Variants in C20orf173 observed in about 807,000 individuals in gnomAD.
C20orf173 encodes chromosome 20 open reading frame 173, also known as uncharacterized protein C20orf173.
Under a neutral mutation model 26.7 loss-of-function variants are expected in C20orf173, and 22 were observed. The ratio of observed to expected loss-of-function variants is 0.82; its 90% CI spans 0.59 to 1.18. The LOEUF is 1.18. Ranked by LOEUF, C20orf173 falls within the 50% of genes most tolerant of loss-of-function variation. C20orf173 has a pLI of 0.00. For missense variants in C20orf173, 210 were observed against 250.3 expected (o/e 0.84, Z 1.09); for synonymous variants, 85 against 96.4 (o/e 0.88, Z 0.69).
downstream of C20orf173, chr20:35,522,213 C>T (rs1451893081): frequency 6.6e-6 from 1 of 152,632 alleles, no homozygotes; most frequent in Non-Finnish European, 1.5e-5. Flanking sequence ...TCTTCGGTTC[C>T]ACCAGGAACC....
At chr20:35,528,907 G>C in intron 2 of C20orf173, 28 bp from the exon 3 acceptor site, 1 of 1,551,160 alleles carries the variant, frequency 6.4e-7, no homozygotes, top group Non-Finnish European at 8.7e-7. Flanking sequence ...GAGATTGGGG[G>C]CTGGGCCCAG....
In C20orf173 at chr20:35,529,417, T is replaced by C; in HGVS notation, c.-44A>G. ...CTCCCGTGGTGGGCCGTAGACTGGC[T>C]TCTCTACCTGTAAGGATGAGGGGCT... On this transcript the variant is annotated 5_prime_UTR_variant, in exon 2 of 6. Coordinates refer to ENST00000444723, the MANE Select transcript of C20orf173 (RefSeq NM_001145350.2). The C allele has an allele frequency of 6.7e-7, 1 of 1,484,810 alleles. No homozygotes were observed. Among genetic ancestry groups the C allele is most frequent in the Non-Finnish European group, 9.0e-7 (1 of 1,116,332 alleles). 92.0% of individuals were successfully genotyped at this position (1,484,810 alleles called of 1,614,324 possible).
At position 35,529,338 on chromosome 20, in the gene C20orf173, A is replaced by G. The variant is rs1261428386; in HGVS notation, c.36T>C (p.Phe12=). 2 of 1,548,844 alleles carry G rather than the reference A, an allele frequency of 1.3e-6. No individual in the cohort carries two copies. Among genetic ancestry groups the G allele is most frequent in the Admixed American group, 3.9e-5 (2 of 50,962 alleles). Residue 12 remains phenylalanine, a synonymous_variant, in exon 2 of 6, where the codon TTT becomes TTC. Transcript: ENST00000444723. ...TCATCAGCCAGAGGATGAGCACCCAAAAGACCCACAGGACAAAAATCTGCC... is the reference window on the plus strand; with the variant it reads ...TCATCAGCCAGAGGATGAGCACCCAGAAGACCCACAGGACAAAAATCTGCC... The part of the protein sequence containing the change: ...KRWQIFVLWV[F]WVLILWLMTP...
chr20:35,524,296 C>T (rs948422884), downstream of C20orf173, among the ~76,000 whole-genome samples: 2 of 152,052 alleles, frequency 1.3e-5, no homozygotes, highest in Non-Finnish European at 2.9e-5. Context: ...GCTGGGATTA[C>T]AGGTTTGAGC....
downstream of C20orf173, among the ~76,000 whole-genome samples, chr20:35,526,378 C>G (rs1262583515): frequency 1.3e-5 from 2 of 152,200 alleles, no homozygotes; most frequent in African/African-American, 2.4e-5. Flanking sequence ...GTAATCCCAG[C>G]ACTTTGGGAG....
In C20orf173 at chr20:35,529,547, C is replaced by G; in HGVS notation, c.-52+12G>C. 1 of 634,532 alleles carries G rather than the reference C, an allele frequency of 1.6e-6. No individual in the cohort carries two copies. Among genetic ancestry groups the G allele is most frequent in the Non-Finnish European group, 2.7e-6 (1 of 369,630 alleles). 39.3% of individuals were successfully genotyped at this position (634,532 alleles called of 1,614,324 possible). The stretch of plus-strand genomic sequence containing the variant: ...AACCCCTCCTCTCCTGCCTCACTAT[C>G]CATTTGCTCACCCTCAAAACGGTCT... On this transcript the variant is annotated intron_variant, in intron 1 of 5. Transcript: ENST00000444723.
intron 5 of C20orf173, among the ~76,000 whole-genome samples, chr20:35,527,542 C>A (rs1399266524): frequency 2.0e-5 from 3 of 152,102 alleles, no homozygotes; most frequent in Admixed American, 6.5e-5. Flanking sequence ...CATGAGGCAG[C>A]TCATGTGTCT....
downstream of C20orf173, chr20:35,522,487 G>T (rs75001916): frequency 2.0e-5 from 3 of 152,504 alleles, no homozygotes; most frequent in Non-Finnish European, 4.4e-5. Flanking sequence ...GCAGCAGTTG[G>T]GTACCGGGGT....
At chr20:35,527,486 C>T (rs776456079) in intron 5 of C20orf173, among the ~76,000 whole-genome samples, 13 of 152,058 alleles carry the variant, frequency 8.5e-5, no homozygotes, top group Admixed American at 5.2e-4. Context: ...ACCCCCAGGA[C>T]GTAAGAGAAG....
At chr20:35,526,285 C>A (rs1391228606), downstream of C20orf173, among the ~76,000 whole-genome samples, 1 of 152,142 alleles carries the variant, frequency 6.6e-6, no homozygotes. Context: ...CTTCTTGGAT[C>A]TTGGATCACT....
At chr20:35,527,852 A>G (rs145713620) in intron 5 of C20orf173, among the ~76,000 whole-genome samples, 19 of 152,110 alleles carry the variant, frequency 1.2e-4, no homozygotes, top group Non-Finnish European at 2.5e-4. Context: ...ATGGAGTTTG[A>G]CCATATTGGC....
chr20:35,526,107 G>C (rs2064500790), downstream of C20orf173, among the ~76,000 whole-genome samples: 1 of 151,682 alleles, frequency 6.6e-6, no homozygotes, highest in South Asian at 2.1e-4. Context: ...AGAGAACCAG[G>C]CTCAGTCTAT....
At chr20:35,521,699 C>T (rs1237386081), downstream of C20orf173, among the ~76,000 whole-genome samples, 1 of 151,690 alleles carries the variant, frequency 6.6e-6, no homozygotes, top group East Asian at 1.9e-4. Context: ...ACCTCCGCCT[C>T]CCAGGTTCAA....
downstream of C20orf173, among the ~76,000 whole-genome samples, chr20:35,524,780 C>A (rs2064494005): frequency 1.3e-5 from 2 of 151,044 alleles, no homozygotes; most frequent in East Asian, 3.9e-4. Context: ...CTCACTGCAA[C>A]CTCTGCCTCC....
In C20orf173 at chr20:35,529,143, A is replaced by T. The variant is rs940051467; in HGVS notation, c.231T>A (p.Asp77Glu). The T allele has an allele frequency of 2.6e-6, 4 of 1,551,598 alleles. No individual in the cohort carries two copies. The highest frequency in any genetic ancestry group is 2.7e-5 in the African/African-American group (2 of 73,034). The change falls in exon 2 of 6, where the codon GAT becomes GAA. Residue 77 changes from aspartate to glutamate, a missense_variant. Physicochemically the swap from Asp to Glu is conservative, Grantham distance 45. Transcript: ENST00000444723. ...HHTADEWNWL[D>E]ACSRKTMGYL... is the part of the protein sequence containing the mutation. ...ACCCCATAGTCTTCCTGGAGCACGC[A>T]TCAAGCCAGTTCCATTCGTCGGCTG...
chr20:35,528,936 G>T, intron 2 of C20orf173, 57 bp from the exon 3 acceptor site: 1 of 1,546,430 alleles, frequency 6.5e-7, no homozygotes, highest in South Asian at 1.2e-5. Context: ...AAACAGAGCT[G>T]GGTGGGTGAG....
downstream of C20orf173, chr20:35,520,935 C>G (rs552268919): frequency 1.3e-5 from 2 of 152,372 alleles, no homozygotes; most frequent in East Asian, 3.9e-4. Context: ...TCTGACACCA[C>G]AAGGTCCCCT....
In C20orf173 at chr20:35,528,893, G is replaced by A. The variant is rs1239168372; in HGVS notation, c.310-14C>T. ...TGAGTTCATGCCCTGGAAACAGCAA[G>A]AGGGAGATTGGGGGCTGGGCCCAGG... is the stretch of plus-strand genomic sequence containing the variant. On this transcript the variant is annotated splice_polypyrimidine_tract_variant and intron_variant, in intron 2 of 5. Transcript: ENST00000444723. The A allele has an allele frequency of 1.9e-6, 3 of 1,551,294 alleles. No homozygotes were observed. The highest frequency in any genetic ancestry group is 1.7e-6 in the Non-Finnish European group (2 of 1,146,906).
chr20:35,521,646 T>C (rs1222707510), downstream of C20orf173, among the ~76,000 whole-genome samples: 4 of 151,724 alleles, frequency 2.6e-5, no homozygotes, highest in Admixed American at 1.3e-4. Context: ...TTTGCTCTTG[T>C]TGCCCAGGCT....
Sources: gnomAD v4.1 joint callset for allele counts (sites outside exome capture counted in the v4.1 genomes callset) on GRCh38, gnomAD v4.1.1 for gene constraint, MANE v1.5 for transcripts, NCBI Gene and HGNC (gene_info 2026-07-23, HGNC 2026-07-21) for gene names.